ZNRF3: variants seen among roughly 807,000 people sequenced by gnomAD.
The protein encoded by ZNRF3 is zinc and ring finger 3, also known as E3 ubiquitin-protein ligase ZNRF3.
A neutral mutation model predicts 72.5 loss-of-function variants in ZNRF3; 23 were observed. That is an observed-to-expected ratio of 0.32 (90% CI 0.23 to 0.45). ZNRF3 has a LOEUF of 0.45. Among genes scored for constraint, ZNRF3 ranks in the 20% least tolerant of loss-of-function variants. The pLI is 1.00. For missense variants in ZNRF3, 1,169 were observed against 1,272.1 expected (o/e 0.92, Z 1.23); for synonymous variants, 610 against 545.3 (o/e 1.12, Z -1.65).
chr22:28,947,364 A>G (rs942465740), intron 1 of ZNRF3, among the ~76,000 whole-genome samples: 1 of 152,144 alleles, frequency 6.6e-6, no homozygotes, highest in Admixed American at 6.5e-5. Context: ...TCTCTTGGGT[A>G]TATACTTAGG....
At chr22:28,997,377 A>G (rs955551813) in intron 2 of ZNRF3, among the ~76,000 whole-genome samples, 14 of 133,812 alleles carry the variant, frequency 1.0e-4, no homozygotes, top group Non-Finnish European at 2.0e-4. Context: ...GTCTGGAAAC[A>G]TTTTTGGTCT....
intron 1 of ZNRF3, among the ~76,000 whole-genome samples, chr22:28,937,215 A>ATTTT (rs370829828): frequency 5.5e-3 from 48 of 8,760 alleles, no homozygotes; most frequent in Non-Finnish European, 6.6e-3. Context: ...ATATATATAT[A>ATTTT]TTTTTTTTTT....
intron 1 of ZNRF3, among the ~76,000 whole-genome samples, chr22:28,920,538 T>G (rs1264964399): frequency 1.3e-5 from 2 of 152,346 alleles, no homozygotes; most frequent in South Asian, 4.1e-4. Flanking sequence ...CCCAGAGTAC[T>G]GGGATTACAG....
intron 1 of ZNRF3, among the ~76,000 whole-genome samples, chr22:28,931,353 G>C (rs1460545266): frequency 2.0e-5 from 3 of 152,148 alleles, no homozygotes; most frequent in Non-Finnish European, 4.4e-5. Context: ...AAATGGAGCA[G>C]ATCCAATTGC....
chr22:28,914,746 G>A lies in ZNRF3; in HGVS notation c.300+30680G>A, dbSNP rs187782287. ...GGAGAATTGCTTAAACCTGGGAGGC[G>A]GAGGTTGCAGTGAGCCGAGATGGCG... On this transcript the variant is annotated intron_variant, in intron 1 of 8. Transcript: ENST00000544604. Among the ~76,000 whole-genome samples the A allele has an allele frequency of 3.1e-3, 466 of 151,566 alleles. 10 individuals are homozygous for A. Among genetic ancestry groups the A allele is most frequent in the Admixed American group, 0.028 (426 of 15,198 alleles).
At chr22:28,894,697 A>G (rs2033958701) in intron 1 of ZNRF3, among the ~76,000 whole-genome samples, 1 of 152,172 alleles carries the variant, frequency 6.6e-6, no homozygotes, top group African/African-American at 2.4e-5. Flanking sequence ...CTGTCCTTGA[A>G]TTCATAGTGA....
rs565077093 is a variant in ZNRF3, at chr22:28,896,380, G to A, written c.300+12314G>A. Among the ~76,000 whole-genome samples the A allele has an allele frequency of 5.9e-5, 9 of 152,142 alleles. No homozygotes were observed. In the South Asian group the frequency reaches 1.2e-3, roughly 21 times the overall value. Reference sequence around the variant, plus strand: ...GATCTCTTGACCTCGTGATCCGCCCGCCTCGGCCTCCCAAAGTGCTGGGCT... The same window carrying A: ...GATCTCTTGACCTCGTGATCCGCCCACCTCGGCCTCCCAAAGTGCTGGGCT... On this transcript the variant is annotated intron_variant, in intron 1 of 8. Coordinates refer to ENST00000544604, the MANE Select transcript of ZNRF3 (RefSeq NM_001206998.2).
chr22:28,929,204 A>G (rs1399471570), intron 1 of ZNRF3, among the ~76,000 whole-genome samples: 4 of 151,930 alleles, frequency 2.6e-5, no homozygotes, highest in Non-Finnish European at 5.9e-5. Context: ...ACAAGAGGGA[A>G]GAAATCAACT....
At chr22:28,927,248 A>G (rs2034619291) in intron 1 of ZNRF3, among the ~76,000 whole-genome samples, 1 of 152,208 alleles carries the variant, frequency 6.6e-6, no homozygotes, top group Admixed American at 6.5e-5. Context: ...GAAAGGCTTT[A>G]GCTTTTCTTG....
rs1440914289 is a variant in ZNRF3, at chr22:29,049,398, G to T, written c.1217G>T (p.Ser406Ile). 6.2e-7 allele frequency: 1 copy of T among 1,611,134 alleles called. No homozygotes were observed. Among genetic ancestry groups the T allele is most frequent in the East Asian group, 2.2e-5 (1 of 44,848 alleles). The change falls in exon 8 of 9, where the codon AGC becomes ATC. Residue 406 changes from serine to isoleucine, a missense_variant. Transcript: ENST00000544604. This position sits in a 1 kb window ranked among gnomAD's most constrained non-coding sequence, Gnocchi z 5.2. The stretch of plus-strand genomic sequence containing the variant: ...ACCATGGACCGGCACGGGGAGCAGA[G>T]CCTCTATTCCCCGCAGACCCCCGCC... ...LLTMDRHGEQ[S>I]LYSPQTPAYI...
chr22:29,039,398 C>A (rs2036919234), intron 2 of ZNRF3, among the ~76,000 whole-genome samples: 1 of 152,158 alleles, frequency 6.6e-6, no homozygotes, highest in Non-Finnish European at 1.5e-5. Flanking sequence ...CTGGACTTAT[C>A]TGAATTGTAC....
intron 1 of ZNRF3, among the ~76,000 whole-genome samples, chr22:28,913,664 T>C (rs1482367102): frequency 6.6e-6 from 1 of 152,174 alleles, no homozygotes; most frequent in Non-Finnish European, 1.5e-5. Context: ...GGAGTTGTAG[T>C]ATAAAAGAAC....
chr22:28,977,191 C>T (rs184320539), intron 1 of ZNRF3, among the ~76,000 whole-genome samples: 155 of 152,240 alleles, frequency 1.0e-3, no homozygotes, highest in South Asian at 2.3e-3. Context: ...AGTCCTCAGC[C>T]GAGAGAACTC....
At chr22:29,044,631 T>C (rs928999028) in intron 4 of ZNRF3, 149 bp from the exon 5 acceptor site, 2 of 648,404 alleles carry the variant, frequency 3.1e-6, no homozygotes, top group East Asian at 2.8e-5. Flanking sequence ...ACCATGTGCA[T>C]GTGAGCAGAA....
intron 1 of ZNRF3, among the ~76,000 whole-genome samples, chr22:28,977,959 A>T (rs1276486878): frequency 6.6e-6 from 1 of 152,176 alleles, no homozygotes; most frequent in Non-Finnish European, 1.5e-5. Flanking sequence ...TTTTCTCCAG[A>T]TATTTAACCT....
Position 28,883,619 on chromosome 22 carries a change from G to C in ZNRF3, c.-148G>C, listed in dbSNP as rs2033707024. 7.6e-6 allele frequency: 6 copies of C among 794,466 alleles called. No homozygotes were observed. The highest frequency in any genetic ancestry group is 9.2e-6 in the Non-Finnish European group (6 of 655,256). The allele number at this position is 794,466 out of a possible 1,614,324, so 49.2% of individuals were successfully genotyped here. A position where few individuals can be genotyped will look rare whatever the true frequency, so the allele number is the denominator to read the frequency against. On this transcript the variant is annotated 5_prime_UTR_variant, in exon 1 of 9. Coordinates refer to ENST00000544604, the MANE Select transcript of ZNRF3 (RefSeq NM_001206998.2). The surrounding 1 kb of genome is among the most constrained non-coding windows in gnomAD (Gnocchi z 5.5). ...ATGAAAGGGCCGCGGCGCGACGGCC[G>C]GGGGAGCCGAGCTGAGCCTGCGACC...
rs907006581 is a variant in ZNRF3 at position 29,036,023 on chromosome 22, C to T, written c.427-6472C>T. On this transcript the variant is annotated intron_variant, in intron 2 of 8. Transcript: ENST00000544604. ...ATATTTTAAACTACATTTTGGTGGG[C>T]GTGTGTCTGTAACACATGCATTTTA... Among the ~76,000 whole-genome samples the T allele has an allele frequency of 3.3e-5, 5 of 152,030 alleles. No individual in the cohort carries two copies. In the South Asian group the frequency reaches 6.2e-4, roughly 19 times the overall value.
At chr22:28,935,087 G>C (rs537478465) in intron 1 of ZNRF3, among the ~76,000 whole-genome samples, 1 of 152,348 alleles carries the variant, frequency 6.6e-6, no homozygotes, top group East Asian at 1.9e-4. Context: ...AGCGTAAGCT[G>C]CTGGGTTTCA....
At chr22:28,961,720 G>A (rs1023395694) in intron 1 of ZNRF3, among the ~76,000 whole-genome samples, 3 of 152,140 alleles carry the variant, frequency 2.0e-5, no homozygotes, top group African/African-American at 7.2e-5. Context: ...GAGGTCCAGA[G>A]GGGAAAAAAA....
Sources: allele counts gnomAD v4.1 joint callset (sites outside exome capture counted in the v4.1 genomes callset), GRCh38; gene constraint gnomAD v4.1.1; non-coding constraint Gnocchi (gnomAD v3.1); transcripts MANE v1.5; gene names NCBI Gene and HGNC (gene_info 2026-07-23, HGNC 2026-07-21).